Variants in BICRA observed in about 807,000 individuals in gnomAD.
BICRA encodes BRD4-interacting chromatin-remodeling complex-associated protein.
In BICRA, 31 loss-of-function variants were observed where a neutral mutation model predicts 96.9. That is an observed-to-expected ratio of 0.32 (90% CI 0.24 to 0.43). The LOEUF (loss-of-function observed/expected upper bound fraction) is 0.43. Among genes scored for constraint, BICRA ranks in the 20% least tolerant of loss-of-function variants. The pLI, the probability that BICRA is intolerant of heterozygous loss-of-function variation, is 1.00. For missense variants in BICRA, 2,283 were observed against 2,190.3 expected (o/e 1.04, Z -0.84); for synonymous variants, 1,350 against 1,071.8 (o/e 1.26, Z -5.07).
chr19:47,633,177 T>G (rs1271388379), intron 1 of BICRA, among the ~76,000 whole-genome samples: 3 of 146,184 alleles, frequency 2.1e-5, no homozygotes, highest in South Asian at 2.2e-4. Flanking sequence ...ACCTCTAAAA[T>G]TCAAGCAGTT....
Position 47,681,126 on chromosome 19 carries a change from CCCACAGGCCGCCGCCCCG to C in BICRA, c.1959_1976del (p.Ala656_Ala661del), listed in dbSNP as rs1324852646. The C allele has an allele frequency of 2.7e-6, 4 of 1,498,982 alleles. No individual in the cohort carries two copies. Among genetic ancestry groups the C allele is most frequent in the Non-Finnish European group, 3.6e-6 (4 of 1,119,938 alleles). 92.9% of individuals were successfully genotyped at this position (1,498,982 alleles called of 1,614,324 possible). ...CGCAGCAGCCCCCGCAGGCCCCCAC[CCCACAGGCCGCCGCCCCG>C]CCTCAGGCCACCACCCCCCAGCCCA... is the stretch of plus-strand genomic sequence containing the variant. On this transcript the variant is annotated inframe_deletion, in exon 6 of 15. Coordinates refer to ENST00000594866, the MANE Select transcript of BICRA (RefSeq NM_001394372.1).
intron 9 of BICRA, 23 bp from the exon 10 acceptor site, chr19:47,695,342 T>TCGGGGGCCCC: frequency 1.6e-6 from 1 of 630,182 alleles, no homozygotes; most frequent in Non-Finnish European, 2.8e-6. Flanking sequence ...AGGCCCTGTC[T>TCGGGGGCCCC]CCCCCACCCC....
At chr19:47,636,458 C>T (rs1972301761) in intron 1 of BICRA, among the ~76,000 whole-genome samples, 1 of 152,158 alleles carries the variant, frequency 6.6e-6, no homozygotes. Flanking sequence ...ATCCTCCTGC[C>T]TGGGCCTCCC....
At chr19:47,651,986 G>T (rs1482675121) in intron 1 of BICRA, among the ~76,000 whole-genome samples, 1 of 152,212 alleles carries the variant, frequency 6.6e-6, no homozygotes, top group Non-Finnish European at 1.5e-5. Context: ...GCATCTGAAG[G>T]TGTTTGCTGT....
At chr19:47,641,541 T>C (rs1283468903) in intron 1 of BICRA, among the ~76,000 whole-genome samples, 3 of 152,176 alleles carry the variant, frequency 2.0e-5, no homozygotes, top group African/African-American at 7.2e-5. Context: ...TCCTAGCTAC[T>C]TGGGAGGCTG....
chr19:47,686,851 A>C (rs1973166612), intron 7 of BICRA, among the ~76,000 whole-genome samples: 1 of 152,178 alleles, frequency 6.6e-6, no homozygotes, highest in African/African-American at 2.4e-5. Context: ...TTGGCCACTT[A>C]CAGGCCCTGT....
intron 1 of BICRA, among the ~76,000 whole-genome samples, chr19:47,667,468 G>T (rs1972799806): frequency 6.6e-6 from 1 of 152,158 alleles, no homozygotes; most frequent in Admixed American, 6.5e-5. Flanking sequence ...TAATTCTGCT[G>T]GTAGGTAGGT....
chr19:47,624,535 T>C (rs931019618), intron 1 of BICRA, among the ~76,000 whole-genome samples: 1 of 152,166 alleles, frequency 6.6e-6, no homozygotes, highest in Admixed American at 6.5e-5. Context: ...ATTGCTAAAA[T>C]ATGCTGATAC....
chr19:47,673,673 C>T (rs758535837), intron 3 of BICRA, 47 bp from the exon 4 acceptor site: 1 of 1,579,744 alleles, frequency 6.3e-7, no homozygotes, highest in African/African-American at 1.3e-5. Flanking sequence ...CTTCCCTCCC[C>T]TCCCCAGCTC....
At position 47,618,132 on chromosome 19, in the gene BICRA, C is replaced by T. The variant is rs568531711; in HGVS notation, c.-108+8964C>T. ...TTTCTGATTACACAGGTTTGGGGGT[C>T]ACACCTGGGTGCATGCAGTGTGGGG... On this transcript the variant is annotated intron_variant, in intron 1 of 14. Transcript: ENST00000594866. 1.1e-4 allele frequency among the ~76,000 whole-genome samples: 16 copies of T among 152,276 alleles called. No individual in the cohort carries two copies. In the East Asian group the frequency reaches 3.1e-3, roughly 29 times the overall value.
At chr19:47,629,162 C>T (rs1469086423) in intron 1 of BICRA, among the ~76,000 whole-genome samples, 3 of 152,086 alleles carry the variant, frequency 2.0e-5, no homozygotes, top group Non-Finnish European at 2.9e-5. Context: ...CCACCACGCC[C>T]GGCTAATTTT....
In BICRA at chr19:47,649,604, C is replaced by T. The variant is rs545023965; in HGVS notation, c.-107-20839C>T. On this transcript the variant is annotated intron_variant, in intron 1 of 14. Transcript: ENST00000594866. ...TTAGGGAATTAGTAGAAATTGATAT[C>T]CTACTAATGGAATAGAACAGAGAGT... is the stretch of plus-strand genomic sequence containing the variant. 2.5e-4 allele frequency among the ~76,000 whole-genome samples: 38 copies of T among 152,266 alleles called. No individual in the cohort carries two copies. In the South Asian group the frequency reaches 5.4e-3, roughly 22 times the overall value.
At chr19:47,657,065 GT>G (rs1478590869) in intron 1 of BICRA, among the ~76,000 whole-genome samples, 2 of 152,052 alleles carry the variant, frequency 1.3e-5, no homozygotes, top group Admixed American at 1.3e-4. Flanking sequence ...GTTTCACTGT[GT>G]TAGCCAGGAT....
chr19:47,659,106 C>T (rs1187853777), intron 1 of BICRA, among the ~76,000 whole-genome samples: 1 of 152,120 alleles, frequency 6.6e-6, no homozygotes, highest in Non-Finnish European at 1.5e-5. Context: ...AGAACAGCGT[C>T]GAATGGTGAA....
intron 1 of BICRA, among the ~76,000 whole-genome samples, chr19:47,667,320 C>T (rs1972797911): frequency 6.6e-6 from 1 of 152,170 alleles, no homozygotes; most frequent in South Asian, 2.1e-4. Context: ...TGGCCCTATT[C>T]ATGTCTTTAG....
At chr19:47,658,867 AT>A (rs67767042) in intron 1 of BICRA, among the ~76,000 whole-genome samples, 21,956 of 152,060 alleles carry the variant, frequency 0.14, 1,662 homozygotes, top group South Asian at 0.2. Context: ...CCTTAGCTGC[AT>A]TTTTTTCCCC....
intron 1 of BICRA, among the ~76,000 whole-genome samples, chr19:47,619,170 C>A (rs920604190): frequency 6.9e-6 from 1 of 145,348 alleles, no homozygotes; most frequent in Non-Finnish European, 1.5e-5. Flanking sequence ...CTTACTCTTT[C>A]GTGGACAGTG....
chr19:47,680,421 T>G lies in BICRA; in HGVS notation c.1251T>G (p.Pro417=), dbSNP rs1417275608. The G allele has an allele frequency of 3.3e-6, 5 of 1,536,338 alleles. No individual in the cohort carries two copies. Among genetic ancestry groups the G allele is most frequent in the Admixed American group, 3.9e-5 (2 of 50,862 alleles). The change falls in exon 6 of 15, where the codon CCT becomes CCG. Residue 417 remains proline, a synonymous_variant. Transcript: ENST00000594866. ...TGGTGCTGTCGGGCTTCCCCGCGCCTGCGCTGCAAGCGAACGTCTTCAAGC... is the reference window on the plus strand; with the variant it reads ...TGGTGCTGTCGGGCTTCCCCGCGCCGGCGCTGCAAGCGAACGTCTTCAAGC... The part of the protein sequence containing the change: ...QNVVLSGFPA[P]ALQANVFKQP...
chr19:47,630,505 G>C (rs1972206971), intron 1 of BICRA, among the ~76,000 whole-genome samples: 1 of 152,004 alleles, frequency 6.6e-6, no homozygotes, highest in Non-Finnish European at 1.5e-5. Context: ...TCATGTAAAT[G>C]GAATCATCCA....
Sources: allele counts gnomAD v4.1 joint callset (sites outside exome capture counted in the v4.1 genomes callset), GRCh38; gene constraint gnomAD v4.1.1; transcripts MANE v1.5; gene names NCBI Gene and HGNC (gene_info 2026-07-23, HGNC 2026-07-21).